NAP1L4: variants seen among roughly 807,000 people sequenced by gnomAD.
NAP1L4 encodes nucleosome assembly protein 1 like 4, also known as nucleosome assembly protein 1-like 4.
NAP1L4 carries 15 observed loss-of-function variants against 58.2 expected under a neutral mutation model. That is an observed-to-expected ratio of 0.26 (90% CI 0.17 to 0.40). The LOEUF (loss-of-function observed/expected upper bound fraction) is 0.40. Ranked by LOEUF, NAP1L4 falls within the 10% of genes least tolerant of loss-of-function variation. The pLI, the probability that NAP1L4 is intolerant of heterozygous loss-of-function variation, is 1.00. For missense variants in NAP1L4, 384 were observed against 451.1 expected (o/e 0.85, Z 1.35); for synonymous variants, 171 against 155.6 (o/e 1.10, Z -0.74).
rs556379039 is a variant in NAP1L4, at chr11:2,972,543, T to C, written c.174-300A>G. ...GAACACTCAGCTTTTCCTTACCAAA[T>C]TGGCAATTAAAAACCAAAACAAAAC... On this transcript the variant is annotated intron_variant, in intron 4 of 15. Coordinates refer to ENST00000380542, the MANE Select transcript of NAP1L4 (RefSeq NM_005969.4). Among the ~76,000 whole-genome samples, 9 of 152,336 alleles carry C rather than the reference T, an allele frequency of 5.9e-5. No homozygotes were observed. The South Asian group carries it at 1.7e-3, about 28-fold the overall frequency.
At chr11:2,987,104 G>C (rs1848679229) in intron 1 of NAP1L4, among the ~76,000 whole-genome samples, 1 of 152,022 alleles carries the variant, frequency 6.6e-6, no homozygotes. Context: ...GTTCTCAGAA[G>C]GAATCAAGAT....
In NAP1L4 at chr11:2,987,904, A is replaced by T. The variant is rs150379623; in HGVS notation, c.-18+4350T>A. Reference sequence around the variant, plus strand: ...TCGGGATGAGACTGGTTGCCAAGAAATCTTTGCTTAACTCACTGCTACCAA... The same window carrying T: ...TCGGGATGAGACTGGTTGCCAAGAATTCTTTGCTTAACTCACTGCTACCAA... On this transcript the variant is annotated intron_variant, in intron 1 of 15. Transcript: ENST00000380542. Among the ~76,000 whole-genome samples the T allele has an allele frequency of 4.5e-4, 69 of 152,262 alleles. 2 individuals are homozygous for T. The South Asian group carries it at 7.3e-3, about 16-fold the overall frequency.
chr11:2,964,165 G>A (rs535078998), intron 8 of NAP1L4, among the ~76,000 whole-genome samples: 1 of 152,104 alleles, frequency 6.6e-6, no homozygotes, highest in South Asian at 2.1e-4. Context: ...TCAGATTTCT[G>A]AATAAGTGCT....
In NAP1L4 at chr11:2,953,429, A is replaced by G. The variant is rs115620322; in HGVS notation, c.1035+1098T>C. Among the ~76,000 whole-genome samples, 828 of 152,372 alleles carry G rather than the reference A, an allele frequency of 5.4e-3. 7 individuals are homozygous for G. Among genetic ancestry groups the G allele is most frequent in the African/African-American group, 0.019 (789 of 41,582 alleles). ...GTTCAGTTCTTCAGTCTCAGCAGCC[A>G]TATTTCAAGTCCTCAAGTGGTCAGT... On this transcript the variant is annotated intron_variant, in intron 12 of 15. Transcript: ENST00000380542.
chr11:2,950,301 A>G (rs1846156915), intron 14 of NAP1L4, among the ~76,000 whole-genome samples: 1 of 152,246 alleles, frequency 6.6e-6, no homozygotes, highest in Admixed American at 6.5e-5. Context: ...CATTCTCAAA[A>G]AAGTTTTAAA....
chr11:2,958,117 A>G (rs973765851), intron 10 of NAP1L4: 6 of 606,436 alleles, frequency 9.9e-6, no homozygotes, highest in Non-Finnish European at 1.8e-5. Context: ...TTTTCTTAAA[A>G]CAGAACTGCA....
rs1161138991 is a variant in NAP1L4 at position 2,971,966 on chromosome 11, A to AG, written c.315+135dup. 1.3e-6 allele frequency: 1 copy of AG among 780,676 alleles called. No homozygotes were observed. Among genetic ancestry groups the AG allele is most frequent in the Non-Finnish European group, 1.9e-6 (1 of 519,460 alleles). The allele number at this position is 780,676 out of a possible 1,614,324, so 48.4% of individuals were successfully genotyped here. A position where few individuals can be genotyped will look rare whatever the true frequency, so the allele number is the denominator to read the frequency against. On this transcript the variant is annotated intron_variant, in intron 5 of 15. Coordinates refer to ENST00000380542, the MANE Select transcript of NAP1L4 (RefSeq NM_005969.4). This position sits in a 1 kb window ranked among gnomAD's most constrained non-coding sequence, Gnocchi z 4.2. ...TTAGCGTTCTGAGCTTGTTTAAGGT[A>AG]GTCTAGACTAAGCTATGTTTGGCAG...
rs571414711 is a variant in NAP1L4, at chr11:2,978,505, C to A, written c.15-163G>T. On this transcript the variant is annotated intron_variant, in intron 2 of 15. Transcript: ENST00000380542. ...ATGTGCATGTTATCTCAGAGGCTGT[C>A]CTCTCTGCTATAAAAATATTCTACT... Among the ~76,000 whole-genome samples the A allele has an allele frequency of 3.9e-5, 6 of 152,254 alleles. No individual in the cohort carries two copies. The South Asian group carries it at 1.2e-3, about 32-fold the overall frequency.
intron 1 of NAP1L4, among the ~76,000 whole-genome samples, chr11:2,984,971 G>C (rs754347987): frequency 2.6e-5 from 4 of 151,076 alleles, no homozygotes; most frequent in Non-Finnish European, 3.0e-5. Context: ...TAGAATATTT[G>C]TATAAACATG....
chr11:2,957,656 C>T (rs555669914), intron 10 of NAP1L4, among the ~76,000 whole-genome samples: 2 of 152,064 alleles, frequency 1.3e-5, no homozygotes, highest in Admixed American at 6.6e-5. Flanking sequence ...ATGAAAAATC[C>T]CAAGAAATTT....
chr11:2,949,894 G>A lies in NAP1L4; in HGVS notation c.1123-630C>T, dbSNP rs1349626510. On this transcript the variant is annotated intron_variant, in intron 14 of 15. Coordinates refer to ENST00000380542, the MANE Select transcript of NAP1L4 (RefSeq NM_005969.4). The surrounding 1 kb of genome is among the most constrained non-coding windows in gnomAD (Gnocchi z 4.0). Reference sequence around the variant, plus strand: ...GCAACAAGGACAGAGGCAGCTGTGCGCGGAGTCTGAGGAGGTGGCCCTGCC... The same window carrying A: ...GCAACAAGGACAGAGGCAGCTGTGCACGGAGTCTGAGGAGGTGGCCCTGCC... 2.0e-5 allele frequency among the ~76,000 whole-genome samples: 3 copies of A among 152,250 alleles called. No homozygotes were observed. Among genetic ancestry groups the A allele is most frequent in the Admixed American group, 6.5e-5 (1 of 15,290 alleles).
In NAP1L4 at chr11:2,958,641, G is replaced by A. The variant is rs1375708942; in HGVS notation, c.747-97C>T. ...CAAACCACAGCTCTATGCCAAACCT[G>A]GAAAACGAAATAAAACCAATCTGCA... On this transcript the variant is annotated intron_variant, in intron 9 of 15. Coordinates refer to ENST00000380542, the MANE Select transcript of NAP1L4 (RefSeq NM_005969.4). 5.4e-6 allele frequency: 7 copies of A among 1,303,946 alleles called. No individual in the cohort carries two copies. In the African/African-American group the frequency reaches 7.5e-5, roughly 14 times the overall value. 80.8% of individuals were successfully genotyped at this position (1,303,946 alleles called of 1,614,324 possible).
intron 7 of NAP1L4, among the ~76,000 whole-genome samples, chr11:2,967,165 A>G (rs1175991801): frequency 1.3e-5 from 2 of 152,188 alleles, no homozygotes; most frequent in Non-Finnish European, 2.9e-5. Flanking sequence ...GCTACTCGAG[A>G]GGACCCCTTG....
chr11:2,978,005 A>G (rs1848067885), intron 3 of NAP1L4, among the ~76,000 whole-genome samples: 1 of 152,178 alleles, frequency 6.6e-6, no homozygotes, highest in African/African-American at 2.4e-5. Flanking sequence ...CATCTCAAAA[A>G]TAAGAAAAAA....
At chr11:2,958,318 C>A (rs1846671645) in intron 10 of NAP1L4, 81 bp downstream of exon 10, 6 of 1,422,622 alleles carry the variant, frequency 4.2e-6, no homozygotes, top group Middle Eastern at 3.5e-4. Flanking sequence ...GGACTAAAGT[C>A]TCTGGGTGTT....
rs138503592 is a variant in NAP1L4 at position 2,951,016 on chromosome 11, T to G, written c.1122+243A>C. On this transcript the variant is annotated intron_variant, in intron 14 of 15. Transcript: ENST00000380542. This position sits in a 1 kb window ranked among gnomAD's most constrained non-coding sequence, Gnocchi z 4.0. Reference sequence around the variant, plus strand: ...AAAGTCAAGTTGCTCTACTGAGGAGTCTATGTAAATAAGACACAGCTTGAG... The same window carrying G: ...AAAGTCAAGTTGCTCTACTGAGGAGGCTATGTAAATAAGACACAGCTTGAG... The G allele has an allele frequency of 4.5e-4, 201 of 443,518 alleles. 1 individual carries two copies. Among genetic ancestry groups the G allele is most frequent in the African/African-American group, 3.2e-3 (157 of 49,142 alleles). The allele number at this position is 443,518 out of a possible 1,614,324, so 27.5% of individuals were successfully genotyped here.
chr11:2,969,770 C>A (rs780627481), intron 7 of NAP1L4, 33 bp downstream of exon 7: 4 of 1,583,410 alleles, frequency 2.5e-6, no homozygotes, highest in East Asian at 2.3e-5. Flanking sequence ...AAGACTAGCA[C>A]ATAATCTCTC....
At chr11:2,964,445 C>A (rs530857256) in intron 8 of NAP1L4, among the ~76,000 whole-genome samples, 2 of 152,152 alleles carry the variant, frequency 1.3e-5, no homozygotes, top group East Asian at 1.9e-4. Flanking sequence ...CACAGACTCA[C>A]GACTACAGTG....
At chr11:2,984,181 A>G (rs1848491577) in intron 1 of NAP1L4, among the ~76,000 whole-genome samples, 1 of 151,320 alleles carries the variant, frequency 6.6e-6, no homozygotes, top group African/African-American at 2.4e-5. Context: ...AAAAAAAAAA[A>G]AAAAAAAAGG....
Sources: allele counts gnomAD v4.1 joint callset (sites outside exome capture counted in the v4.1 genomes callset), GRCh38; gene constraint gnomAD v4.1.1; non-coding constraint Gnocchi (gnomAD v3.1); transcripts MANE v1.5; gene names NCBI Gene and HGNC (gene_info 2026-07-23, HGNC 2026-07-21).